The following PCDH15 variants were observed in gnomAD, a reference collection of about 807,000 sequenced individuals.
PCDH15 encodes the protein protocadherin-15.
PCDH15 carries 129 observed loss-of-function variants against 178.5 expected under a neutral mutation model. The observed-to-expected ratio is 0.72, with a 90% CI of 0.63 to 0.84. The LOEUF (loss-of-function observed/expected upper bound fraction) is 0.84. PCDH15 is among the 40% of genes least tolerant of loss of function. The pLI, the probability that PCDH15 is intolerant of heterozygous loss-of-function variation, is 0.00. For synonymous variants in PCDH15, 800 were observed against 732.0 expected (o/e 1.09, Z -1.50); for missense variants, 2,230 against 2,099.9 (o/e 1.06, Z -1.21).
chr10:54,731,119 G>A (rs1040923079), intron 1 of PCDH15, among the ~76,000 whole-genome samples: 1 of 151,338 alleles, frequency 6.6e-6, no homozygotes, highest in South Asian at 2.1e-4. Flanking sequence ...TTTTTCTAAA[G>A]AGACATACAA....
At chr10:54,559,497 C>T (rs1334615806) in intron 2 of PCDH15, among the ~76,000 whole-genome samples, 2 of 151,978 alleles carry the variant, frequency 1.3e-5, no homozygotes, top group Non-Finnish European at 2.9e-5. Flanking sequence ...AAGTGCAAGG[C>T]ATTGAGTATG....
intron 1 of PCDH15, among the ~76,000 whole-genome samples, chr10:54,761,018 T>C (rs1020214032): frequency 6.6e-5 from 10 of 152,072 alleles, no homozygotes; most frequent in African/African-American, 2.4e-4. Flanking sequence ...TTTAAGTCAC[T>C]GGTAGTTCAA....
chr10:55,547,730 A>G (rs2132083663), intron 2 of PCDH15, among the ~76,000 whole-genome samples: 1 of 152,126 alleles, frequency 6.6e-6, no homozygotes, highest in East Asian at 1.9e-4. Flanking sequence ...GCATTATGGA[A>G]TTTTTGAAGC....
At chr10:54,879,753 C>T (rs1009608885) in intron 3 of PCDH15, among the ~76,000 whole-genome samples, 1 of 151,256 alleles carries the variant, frequency 6.6e-6, no homozygotes, top group Non-Finnish European at 1.5e-5. Context: ...TTATATATAA[C>T]CAACATGAAA....
At chr10:54,576,173 C>A (rs1204264820) in intron 2 of PCDH15, among the ~76,000 whole-genome samples, 1 of 152,014 alleles carries the variant, frequency 6.6e-6, no homozygotes, top group African/African-American at 2.4e-5. Context: ...CTATCTATAT[C>A]TTTTGCTGAT....
chr10:55,609,019 C>T (rs574532669), intron 2 of PCDH15, among the ~76,000 whole-genome samples: 3,220 of 147,398 alleles, frequency 0.022, 120 homozygotes, highest in African/African-American at 0.078. Flanking sequence ...TATATATACA[C>T]ACACACACAC....
At chr10:55,046,272 G>A (rs575008250) in intron 2 of PCDH15, among the ~76,000 whole-genome samples, 2 of 152,032 alleles carry the variant, frequency 1.3e-5, no homozygotes, top group African/African-American at 4.8e-5. Flanking sequence ...GCCCAAAAGA[G>A]GAGCTTCGAA....
chr10:53,807,466 C>A (rs918903359), intron 37 of PCDH15, among the ~76,000 whole-genome samples: 3 of 152,122 alleles, frequency 2.0e-5, no homozygotes, highest in Admixed American at 2.0e-4. Flanking sequence ...TATTTGACAG[C>A]TGCTCTACTA....
chr10:54,284,798 A>G (rs1351130138), intron 8 of PCDH15, among the ~76,000 whole-genome samples: 2 of 152,012 alleles, frequency 1.3e-5, no homozygotes, highest in African/African-American at 4.8e-5. Context: ...ATTATCTAAG[A>G]CCCTTTTGCC....
chr10:54,889,639 G>A (rs1252795159), intron 3 of PCDH15, among the ~76,000 whole-genome samples: 3 of 150,930 alleles, frequency 2.0e-5, no homozygotes, highest in African/African-American at 4.8e-5. Context: ...GACTACTTGA[G>A]AACCCTCAAG....
intron 1 of PCDH15, among the ~76,000 whole-genome samples, chr10:55,241,798 C>G (rs1462364942): frequency 6.6e-6 from 1 of 152,140 alleles, no homozygotes; most frequent in African/African-American, 2.4e-5. Flanking sequence ...TTTTCTTCAT[C>G]AAAAGCACAA....
intron 17 of PCDH15, 97 bp from the exon 18 acceptor site, chr10:54,066,982 CTCATT>C: frequency 8.2e-7 from 1 of 1,224,600 alleles, no homozygotes; most frequent in Non-Finnish European, 1.2e-6. Flanking sequence ...TGAAAAGCAT[CTCATT>C]TTTCTTTCTA....
At chr10:54,310,685 C>A (rs894452249) in intron 8 of PCDH15, among the ~76,000 whole-genome samples, 16 of 151,716 alleles carry the variant, frequency 1.1e-4, no homozygotes, top group Non-Finnish European at 1.8e-4. Flanking sequence ...ATACATAATC[C>A]CTATTTGAGG....
intron 25 of PCDH15, among the ~76,000 whole-genome samples, chr10:53,923,861 C>A (rs892438734): frequency 4.6e-5 from 7 of 152,220 alleles, no homozygotes; most frequent in Non-Finnish European, 1.0e-4. Context: ...TATTCTTTTC[C>A]TCTCATTCAC....
chr10:54,170,550 T>C (rs1234780934), intron 13 of PCDH15, among the ~76,000 whole-genome samples: 3 of 151,346 alleles, frequency 2.0e-5, no homozygotes, highest in Admixed American at 6.6e-5. Context: ...CTCCTTCAGC[T>C]ATACTCACTC....
At chr10:54,901,777 A>G (rs1350322946) in intron 2 of PCDH15, among the ~76,000 whole-genome samples, 1 of 152,156 alleles carries the variant, frequency 6.6e-6, no homozygotes, top group Non-Finnish European at 1.5e-5. Flanking sequence ...CTCTTTTAAT[A>G]AATCAGTTTG....
intron 3 of PCDH15, among the ~76,000 whole-genome samples, chr10:54,847,241 C>T (rs971719001): frequency 3.9e-5 from 6 of 152,020 alleles, no homozygotes; most frequent in African/African-American, 1.5e-4. Context: ...TAGCACTGTC[C>T]TAATAAAACA....
At chr10:54,853,318 T>C (rs111842014) in intron 3 of PCDH15, among the ~76,000 whole-genome samples, 1,046 of 101,872 alleles carry the variant, frequency 0.01, 13 homozygotes, top group African/African-American at 0.029. Context: ...TATATATATA[T>C]ACATACACAC....
rs1005369930 is a variant in PCDH15 at position 54,625,452 on chromosome 10, C to T, written c.91+38720G>A. Among the ~76,000 whole-genome samples, 5 of 152,078 alleles carry T rather than the reference C, an allele frequency of 3.3e-5. 1 individual carries two copies. The highest frequency in any genetic ancestry group is 1.2e-4 in the African/African-American group (5 of 41,414). On this transcript the variant is annotated intron_variant, in intron 2 of 37. Coordinates refer to ENST00000644397, the MANE Select transcript of PCDH15 (RefSeq NM_001384140.1). ...TAATTCCCATGTGTTGTGGGAGGGA[C>T]CCAGTGGGAGATGACTGAGTTATGA... is the stretch of plus-strand genomic sequence containing the variant.
Sources: gnomAD v4.1 joint callset for allele counts (sites outside exome capture counted in the v4.1 genomes callset) on GRCh38, gnomAD v4.1.1 for gene constraint, MANE v1.5 for transcripts, NCBI Gene and HGNC (gene_info 2026-07-23, HGNC 2026-07-21) for gene names.